The following KCNQ4 variants were observed in gnomAD, a reference collection of about 807,000 sequenced individuals.
KCNQ4 encodes the protein potassium voltage-gated channel subfamily Q member 4.
In KCNQ4, 31 loss-of-function variants were observed where a neutral mutation model predicts 72.6. That is an observed-to-expected ratio of 0.43 (90% CI 0.32 to 0.58). The LOEUF (loss-of-function observed/expected upper bound fraction) is 0.58, where lower values mean the gene tolerates loss of function less well. Ranked by LOEUF, KCNQ4 falls within the 20% of genes least tolerant of loss-of-function variation. KCNQ4 has a pLI of 0.08. For missense variants in KCNQ4, 869 were observed against 962.6 expected (o/e 0.90, Z 1.29); for synonymous variants, 405 against 403.7 (o/e 1.00, Z -0.04).
rs1648895737 is a variant in KCNQ4, at chr1:40,838,902, C to G, written c.*379C>G. 2.8e-6 allele frequency: 1 copy of G among 357,076 alleles called. No homozygotes were observed. The highest frequency in any genetic ancestry group is 5.4e-6 in the Non-Finnish European group (1 of 186,510). The allele number at this position is 357,076 out of a possible 1,614,324, so 22.1% of individuals were successfully genotyped here. On this transcript the variant is annotated 3_prime_UTR_variant, in exon 14 of 14. Coordinates refer to ENST00000347132, the MANE Select transcript of KCNQ4 (RefSeq NM_004700.4). ...AGCTTCCAGCTATGCAAGGTGAGGT[C>G]TCTGGCCCACCCTTCGGACACAGCA...
intron 1 of KCNQ4, among the ~76,000 whole-genome samples, chr1:40,792,376 C>T (rs1647299631): frequency 6.6e-6 from 1 of 152,124 alleles, no homozygotes; most frequent in Non-Finnish European, 1.5e-5. Flanking sequence ...AGAGGCAGGA[C>T]CAGCAGGAAG....
At chr1:40,804,060 C>T (rs1647676681) in intron 1 of KCNQ4, among the ~76,000 whole-genome samples, 1 of 152,174 alleles carries the variant, frequency 6.6e-6, no homozygotes, top group Non-Finnish European at 1.5e-5. Flanking sequence ...GGACTCTTCC[C>T]TCCCTCTCCC....
intron 1 of KCNQ4, among the ~76,000 whole-genome samples, chr1:40,814,787 C>A (rs891765218): frequency 3.3e-5 from 5 of 152,138 alleles, no homozygotes; most frequent in Non-Finnish European, 7.3e-5. Context: ...ATTTTACCAC[C>A]CATAGATAAG....
intron 9 of KCNQ4, among the ~76,000 whole-genome samples, chr1:40,826,064 A>G (rs998358253): frequency 1.3e-5 from 2 of 151,820 alleles, no homozygotes; most frequent in African/African-American, 4.8e-5. Context: ...TAGATCAGTC[A>G]CCAGGCTCAG....
intron 1 of KCNQ4, among the ~76,000 whole-genome samples, chr1:40,785,337 A>C (rs1647191053): frequency 6.6e-6 from 1 of 152,178 alleles, no homozygotes; most frequent in African/African-American, 2.4e-5. Flanking sequence ...TATCAGTTGA[A>C]GGGCTGGGCC....
At chr1:40,836,591 A>G (rs1486926931) in intron 12 of KCNQ4, among the ~76,000 whole-genome samples, 1 of 152,198 alleles carries the variant, frequency 6.6e-6, no homozygotes, top group East Asian at 1.9e-4. Context: ...AGGTCCCAAG[A>G]GTGAGCCTTG....
At chr1:40,820,593 C>A (rs1464354071) in intron 7 of KCNQ4, among the ~76,000 whole-genome samples, 1 of 152,244 alleles carries the variant, frequency 6.6e-6, no homozygotes, top group African/African-American at 2.4e-5. Context: ...CACTGCTGCC[C>A]CCATCAGCTG....
intron 4 of KCNQ4, 143 bp downstream of exon 4, chr1:40,818,823 A>T: frequency 3.4e-6 from 3 of 890,104 alleles, no homozygotes; most frequent in Non-Finnish European, 3.5e-6. Context: ...CCCTAGCAGG[A>T]GGCGAGGTCT....
intron 9 of KCNQ4, chr1:40,826,744 A>G (rs954218660): frequency 9.1e-6 from 4 of 437,322 alleles, no homozygotes; most frequent in South Asian, 1.6e-5. Flanking sequence ...GCCCCACCCA[A>G]TTTGGGGGCT....
At chr1:40,826,314 C>T (rs1648476314) in intron 9 of KCNQ4, among the ~76,000 whole-genome samples, 1 of 152,204 alleles carries the variant, frequency 6.6e-6, no homozygotes, top group Non-Finnish European at 1.5e-5. Context: ...GTTTATCAAA[C>T]CATGGTCTCC....
Position 40,784,396 on chromosome 1 carries a change from C to T in KCNQ4, c.303C>T (p.Tyr101=), listed in dbSNP as rs757297560. The T allele has an allele frequency of 2.5e-6, 4 of 1,609,100 alleles. No homozygotes were observed. Among genetic ancestry groups the T allele is most frequent in the South Asian group, 2.2e-5 (2 of 91,084 alleles). The change falls in exon 1 of 14, where the codon TAC becomes TAT. Residue 101 remains tyrosine, a synonymous_variant. Coordinates refer to ENST00000347132, the MANE Select transcript of KCNQ4 (RefSeq NM_004700.4). This position sits in a 1 kb window ranked among gnomAD's most constrained non-coding sequence, Gnocchi z 4.1. ...GGCCCCGCGGCTGGGCCTTCGTCTA[C>T]CACGTCTTCATGTGAGTTTGCGACC... is the stretch of plus-strand genomic sequence containing the variant. ...LERPRGWAFV[Y]HVFIFLLVFS...
rs763038245 is a variant in KCNQ4 at position 40,821,958 on chromosome 1, G to A, written c.1042-356G>A. Reference sequence around the variant, plus strand: ...CTGGTAGGCAAGTAGTGTTACATGCGTTTTACAGGTGAAGAAACTGAGGTC... The same window carrying A: ...CTGGTAGGCAAGTAGTGTTACATGCATTTTACAGGTGAAGAAACTGAGGTC... On this transcript the variant is annotated intron_variant, in intron 7 of 13. Transcript: ENST00000347132. 4.7e-4 allele frequency among the ~76,000 whole-genome samples: 71 copies of A among 152,128 alleles called. 1 individual carries two copies. The highest frequency in any genetic ancestry group is 1.9e-3 in the Admixed American group (29 of 15,286).
intron 13 of KCNQ4, among the ~76,000 whole-genome samples, 180 bp downstream of exon 13, chr1:40,837,974 C>T (rs1392946269): frequency 1.3e-5 from 2 of 151,818 alleles, no homozygotes; most frequent in Admixed American, 6.6e-5. Context: ...CCCGCCCTCT[C>T]CTGCTAAGCC....
chr1:40,830,815 T>C lies in KCNQ4; in HGVS notation c.1293-269T>C, dbSNP rs147886774. 5.5e-4 allele frequency among the ~76,000 whole-genome samples: 84 copies of C among 152,228 alleles called. 2 individuals are homozygous for C. In the South Asian group the frequency reaches 5.8e-3, roughly 11 times the overall value. On this transcript the variant is annotated intron_variant, in intron 9 of 13. Coordinates refer to ENST00000347132, the MANE Select transcript of KCNQ4 (RefSeq NM_004700.4). ...CTCCCACTCCTTCCACTCTGACATC[T>C]GTCTCCTGTGCACCCCTTATCTGTC...
intron 1 of KCNQ4, among the ~76,000 whole-genome samples, chr1:40,802,953 A>C (rs763284074): frequency 6.6e-6 from 1 of 152,154 alleles, no homozygotes; most frequent in Non-Finnish European, 1.5e-5. Flanking sequence ...ACTGAGATAC[A>C]TTTAGGGACT....
rs1177249568 is a variant in KCNQ4 at position 40,815,710 on chromosome 1, C to CCCCTGTAT, written c.315-1552_315-1551insTGTATCCC. Among the ~76,000 whole-genome samples, 286 of 152,232 alleles carry CCCCTGTAT rather than the reference C, an allele frequency of 1.9e-3. 2 individuals carry two copies. Among genetic ancestry groups the CCCCTGTAT allele is most frequent in the African/African-American group, 6.6e-3 (275 of 41,528 alleles). ...GGGTATTTGCTGGGATACACTTGCC[C>CCCCTGTAT]CCCAAAAAGGTCAGGAACCCCTGTC... On this transcript the variant is annotated intron_variant, in intron 1 of 13. Coordinates refer to ENST00000347132, the MANE Select transcript of KCNQ4 (RefSeq NM_004700.4).
At chr1:40,795,357 G>A (rs182629767) in intron 1 of KCNQ4, among the ~76,000 whole-genome samples, 2 of 151,412 alleles carry the variant, frequency 1.3e-5, no homozygotes, top group African/African-American at 4.9e-5. Context: ...GAACTCCTGG[G>A]CTCAAGCGAT....
intron 9 of KCNQ4, chr1:40,826,791 G>A (rs1648492369): frequency 1.0e-5 from 4 of 389,672 alleles, no homozygotes; most frequent in Non-Finnish European, 2.1e-5. Context: ...CAAGGTGCAT[G>A]TGCCTGCCGC....
At chr1:40,833,800 C>CAGCCT (rs1270413866) in intron 11 of KCNQ4, among the ~76,000 whole-genome samples, 1 of 145,530 alleles carries the variant, frequency 6.9e-6, no homozygotes. Context: ...AGTTCGAGAC[C>CAGCCT]AGCCTGGGCA....
Sources: gnomAD v4.1 joint callset for allele counts (sites outside exome capture counted in the v4.1 genomes callset) on GRCh38, gnomAD v4.1.1 for gene constraint, Gnocchi (gnomAD v3.1) non-coding constraint, MANE v1.5 for transcripts, NCBI Gene and HGNC (gene_info 2026-07-23, HGNC 2026-07-21) for gene names.